The following LARGE1 variants were observed in gnomAD, a reference collection of about 807,000 sequenced individuals.
The protein encoded by LARGE1 is xylosyl- and glucuronyltransferase LARGE1.
A neutral mutation model predicts 87.6 loss-of-function variants in LARGE1; 43 were observed. That is an observed-to-expected ratio of 0.49 (90% CI 0.38 to 0.63). The LOEUF is 0.63. Among genes scored for constraint, LARGE1 ranks in the 30% least tolerant of loss-of-function variants. LARGE1 has a pLI of 0.00. For missense variants in LARGE1, 802 were observed against 1,000.2 expected (o/e 0.80, Z 2.67); for synonymous variants, 434 against 394.6 (o/e 1.10, Z -1.18).
intron 1 of LARGE1, among the ~76,000 whole-genome samples, chr22:33,828,198 A>G (rs1019554610): frequency 6.6e-6 from 1 of 152,224 alleles, no homozygotes; most frequent in Non-Finnish European, 1.5e-5. Context: ...GGTAATTCAC[A>G]TACCAAGGGA....
intron 9 of LARGE1, among the ~76,000 whole-genome samples, chr22:33,378,211 A>G (rs1040716501): frequency 2.0e-5 from 3 of 152,116 alleles, no homozygotes; most frequent in Non-Finnish European, 4.4e-5. Flanking sequence ...TGCCTGGCAA[A>G]TTTTTAATTT....
chr22:33,116,713 C>T, the LARGE1 span, among the ~76,000 whole-genome samples: 2 of 152,148 alleles, frequency 1.3e-5, no homozygotes, highest in Non-Finnish European at 2.9e-5. Context: ...GCCAGACAGC[C>T]TCATGCTCTG....
chr22:33,073,723 C>T, the LARGE1 span, among the ~76,000 whole-genome samples: 4 of 152,276 alleles, frequency 2.6e-5, no homozygotes, highest in East Asian at 5.8e-4. Flanking sequence ...ATTGGGATAG[C>T]AAGCCAAAAC....
intron 1 of LARGE1, among the ~76,000 whole-genome samples, chr22:33,777,708 G>A (rs972222229): frequency 2.8e-5 from 4 of 142,344 alleles, no homozygotes; most frequent in African/African-American, 1.0e-4. Context: ...GCAGGGGAAG[G>A]GAAGGCAGGT....
At chr22:33,617,502 A>C (rs1237065698) in intron 4 of LARGE1, among the ~76,000 whole-genome samples, 1 of 152,230 alleles carries the variant, frequency 6.6e-6, no homozygotes, top group Non-Finnish European at 1.5e-5. Context: ...TAATTTTCTC[A>C]ATATATGATT....
chr22:33,736,618 C>T (rs941484919), intron 2 of LARGE1, among the ~76,000 whole-genome samples: 1 of 152,166 alleles, frequency 6.6e-6, no homozygotes, highest in Non-Finnish European at 1.5e-5. Flanking sequence ...CTCTGAAACA[C>T]AAAAGATTTT....
intron 1 of LARGE1, among the ~76,000 whole-genome samples, chr22:33,831,523 G>A (rs1038952732): frequency 6.6e-6 from 1 of 152,106 alleles, no homozygotes; most frequent in African/African-American, 2.4e-5. Context: ...CCCTAGGACC[G>A]ATGCCTGCCC....
chr22:33,728,594 A>C (rs2083354379), intron 2 of LARGE1, among the ~76,000 whole-genome samples: 1 of 148,086 alleles, frequency 6.8e-6, no homozygotes, highest in Non-Finnish European at 1.5e-5. Flanking sequence ...CAACAGAGAC[A>C]CATTTCCAGG....
At chr22:33,188,919 C>T (rs56903157) in intron 11 of LARGE1, among the ~76,000 whole-genome samples, 18,441 of 152,014 alleles carry the variant, frequency 0.12, 1,248 homozygotes, top group East Asian at 0.21. Context: ...ATAAAATAGG[C>T]GCAGTCATGG....
chr22:33,747,110 A>C (rs2084116681), intron 2 of LARGE1, among the ~76,000 whole-genome samples: 1 of 152,036 alleles, frequency 6.6e-6, no homozygotes, highest in Admixed American at 6.5e-5. Context: ...GATCTAGGTG[A>C]CCTCCTTATA....
the LARGE1 span, among the ~76,000 whole-genome samples, chr22:33,130,513 T>G: frequency 6.6e-6 from 1 of 151,520 alleles, no homozygotes; most frequent in Non-Finnish European, 1.5e-5. Context: ...CTTTTAAAAA[T>G]TCTAAGTCCA....
At chr22:33,181,614 C>T (rs1337898761) in intron 11 of LARGE1, among the ~76,000 whole-genome samples, 11 of 151,772 alleles carry the variant, frequency 7.2e-5, no homozygotes, top group African/African-American at 2.2e-4. Flanking sequence ...CTGCAACCTC[C>T]GACTCCTGGG....
rs143852692 is a variant in LARGE1, at chr22:33,608,910, T to C, written c.492-4352A>G. On this transcript the variant is annotated intron_variant, in intron 4 of 14. Transcript: ENST00000397394. Reference sequence around the variant, plus strand: ...ATACTGGATAATTGTGAGGATAAAATAACATAATAAACATAAAGTGCTTAG... The same window carrying C: ...ATACTGGATAATTGTGAGGATAAAACAACATAATAAACATAAAGTGCTTAG... 2.3e-3 allele frequency among the ~76,000 whole-genome samples: 354 copies of C among 152,274 alleles called. 1 individual carries two copies. Among genetic ancestry groups the C allele is most frequent in the Non-Finnish European group, 4.2e-3 (289 of 68,014 alleles).
chr22:33,106,373 G>A, the LARGE1 span, among the ~76,000 whole-genome samples: 2 of 152,212 alleles, frequency 1.3e-5, no homozygotes, highest in African/African-American at 2.4e-5. Context: ...TGAATGATCC[G>A]GACAAGCTGC....
rs563796469 is a variant in LARGE1, at chr22:33,607,712, C to T, written c.492-3154G>A. The stretch of plus-strand genomic sequence containing the variant: ...GAAGTCAGGGGTGGCAAAGCCAGTG[C>T]TGCTGCTGAATGGGTGGGTCTAGAC... On this transcript the variant is annotated intron_variant, in intron 4 of 14. Coordinates refer to ENST00000397394, the MANE Select transcript of LARGE1 (RefSeq NM_133642.5). 5.9e-5 allele frequency among the ~76,000 whole-genome samples: 9 copies of T among 152,222 alleles called. No individual in the cohort carries two copies. The South Asian group carries it at 1.2e-3, about 21-fold the overall frequency.
intron 6 of LARGE1, among the ~76,000 whole-genome samples, chr22:33,507,948 C>A (rs1375740855): frequency 1.3e-5 from 2 of 152,200 alleles, no homozygotes; most frequent in Non-Finnish European, 2.9e-5. Flanking sequence ...TTAAATCCCA[C>A]AATTCCTACC....
chr22:33,488,503 G>A (rs927921077), intron 6 of LARGE1, among the ~76,000 whole-genome samples: 1 of 152,178 alleles, frequency 6.6e-6, no homozygotes, highest in African/African-American at 2.4e-5. Context: ...TTTTGGGGCT[G>A]TCTTAACAAG....
At chr22:33,868,262 T>A (rs1014115475) in intron 1 of LARGE1, among the ~76,000 whole-genome samples, 14 of 152,174 alleles carry the variant, frequency 9.2e-5, no homozygotes, top group Non-Finnish European at 2.1e-4. Context: ...ACAGCCGGCC[T>A]CGTCGGAAGC....
At chr22:33,584,987 C>T (rs1305237731) in intron 5 of LARGE1, among the ~76,000 whole-genome samples, 1 of 151,834 alleles carries the variant, frequency 6.6e-6, no homozygotes, top group East Asian at 1.9e-4. Flanking sequence ...CATGGTGATG[C>T]GCGCCTGTAA....
Sources: allele counts gnomAD v4.1 joint callset (sites outside exome capture counted in the v4.1 genomes callset), GRCh38; gene constraint gnomAD v4.1.1; transcripts MANE v1.5; gene names NCBI Gene and HGNC (gene_info 2026-07-23, HGNC 2026-07-21).